The following SIGLEC6 variants were observed in gnomAD, a reference collection of about 807,000 sequenced individuals.
The protein encoded by SIGLEC6 is sialic acid binding Ig like lectin 6, also known as sialic acid-binding Ig-like lectin 6.
A neutral mutation model predicts 41.4 loss-of-function variants in SIGLEC6; 31 were observed. The observed-to-expected ratio is 0.75, with a 90% confidence interval of 0.56 to 1.01. The LOEUF (loss-of-function observed/expected upper bound fraction) is 1.01, where lower values mean the gene tolerates loss of function less well. SIGLEC6 is among the 50% of genes least tolerant of loss of function. The probability of loss-of-function intolerance (pLI) is 0.00; values close to 1 mark genes in which losing one functional copy is unlikely to be tolerated. For missense variants in SIGLEC6, 555 were observed against 558.6 expected (o/e 0.99, Z 0.06); for synonymous variants, 217 against 231.0 (o/e 0.94, Z 0.55).
At chr19:51,530,041 C>T in intron 4 of SIGLEC6, 60 bp from the exon 5 acceptor site, 3 of 1,519,244 alleles carry the variant, frequency 2.0e-6, no homozygotes, top group South Asian at 2.6e-5. Flanking sequence ...CACTGGTGTC[C>T]CTCTCCTCCT....
chr19:51,530,624 GC>G (rs1203019070), intron 3 of SIGLEC6, 56 bp downstream of exon 3: 1 of 1,610,320 alleles, frequency 6.2e-7, no homozygotes, highest in African/African-American at 1.3e-5. Flanking sequence ...CTCTGGCTCA[GC>G]CCTGCCCTGT....
At position 51,520,112 on chromosome 19, in the gene SIGLEC6, A is replaced by G. The variant is rs911438443; in HGVS notation, c.1332T>C (p.Thr444=). ...TGTGTATCTTGATTTCTGAGTACTCAGTGTCGGTGACCTTTGGTTCCTGAG... is the reference window on the plus strand; with the variant it reads ...TGTGTATCTTGATTTCTGAGTACTCGGTGTCGGTGACCTTTGGTTCCTGAG... ...VQPQEPKVTD[T]EYSEIKIHK Residue 444 remains threonine, a synonymous_variant, in exon 8 of 8, where the codon ACT becomes ACC. Transcript: ENST00000425629. 2.5e-6 allele frequency: 4 copies of G among 1,586,634 alleles called. No homozygotes were observed. The highest frequency in any genetic ancestry group is 3.5e-6 in the Non-Finnish European group (4 of 1,159,420).
chr19:51,529,944 G>A lies in SIGLEC6; in HGVS notation c.792C>T (p.Val264=). Residue 264 remains valine (V), a synonymous_variant, in exon 5 of 8, where the codon GTC becomes GTT. Transcript: ENST00000425629. The part of the protein sequence containing the change: ...KILQNTSSLP[V]LEGQALRLLC... ...GCAGCCGCAGAGCCTGGCCCTCCAG[G>A]ACAGGGAGGGACGAGGTGTTTTGCA... is the stretch of plus-strand genomic sequence containing the variant. The A allele has an allele frequency of 1.2e-6, 2 of 1,606,960 alleles. No homozygotes were observed. The highest frequency in any genetic ancestry group is 1.7e-6 in the Non-Finnish European group (2 of 1,175,946).
At chr19:51,527,337 G>A (rs1979400838) in intron 7 of SIGLEC6, among the ~76,000 whole-genome samples, 1 of 152,130 alleles carries the variant, frequency 6.6e-6, no homozygotes, top group Non-Finnish European at 1.5e-5. Flanking sequence ...ATGACTTTGG[G>A]TTGATTTGGG....
chr19:51,518,763 G>C lies in SIGLEC6; in HGVS notation c.*1319C>G, dbSNP rs574986507. Among the ~76,000 whole-genome samples the C allele has an allele frequency of 5.3e-5, 8 of 152,340 alleles. No individual in the cohort carries two copies. The East Asian group carries it at 1.5e-3, about 29-fold the overall frequency. Reference sequence around the variant, plus strand: ...GAATAGTGGAGACTGGGATTTGTAAGAGGAAGCTGTGGAAATGGACATGGG... The same window carrying C: ...GAATAGTGGAGACTGGGATTTGTAACAGGAAGCTGTGGAAATGGACATGGG... On this transcript the variant is annotated 3_prime_UTR_variant, in exon 8 of 8. Coordinates refer to ENST00000425629, the MANE Select transcript of SIGLEC6 (RefSeq NM_001245.7).
chr19:51,524,033 A>G (rs1267418207), intron 7 of SIGLEC6, among the ~76,000 whole-genome samples: 1 of 152,150 alleles, frequency 6.6e-6, no homozygotes, highest in East Asian at 1.9e-4. Context: ...AAAAAAAAAA[A>G]GTAGTAATAT....
intron 5 of SIGLEC6, 77 bp from the exon 6 acceptor site, chr19:51,528,330 A>G: frequency 8.3e-7 from 1 of 1,209,484 alleles, no homozygotes; most frequent in Non-Finnish European, 1.2e-6. Context: ...TCCACCTTCC[A>G]CTAATGTGAC....
rs1304836712 is a variant in SIGLEC6, at chr19:51,531,103, C to T, written c.427+57G>A. The T allele has an allele frequency of 2.6e-6, 4 of 1,553,218 alleles. No individual in the cohort carries two copies. The African/African-American group carries it at 5.5e-5, about 21-fold the overall frequency. On this transcript the variant is annotated intron_variant, in intron 2 of 7. Transcript: ENST00000425629. ...CCAAGACGGGGCTCCCGTCCCAGCCCTGCCCTACGGCCCCCATGACCTTCC... is the reference window on the plus strand; with the variant it reads ...CCAAGACGGGGCTCCCGTCCCAGCCTTGCCCTACGGCCCCCATGACCTTCC...
chr19:51,524,853 A>G (rs1600008822), intron 7 of SIGLEC6, among the ~76,000 whole-genome samples: 1 of 152,286 alleles, frequency 6.6e-6, no homozygotes, highest in African/African-American at 2.4e-5. Context: ...GCTCCCCAGG[A>G]TTGGCATGGA....
chr19:51,527,796 G>C lies in SIGLEC6; in HGVS notation c.1139C>G (p.Pro380Arg), dbSNP rs1477472022. Reference protein sequence around the residue: ...VKTRRKKAAQPVQNTDDVNPV... With the variant: ...VKTRRKKAAQRVQNTDDVNPV... ...GTTCACATCATCCGTGTTTTGCACT[G>C]GCTGGGCTGCTTTCTTCCTTCTAGT... Residue 380 changes from proline to arginine, a missense_variant, in exon 7 of 8, where the codon CCA (proline) becomes CGA (arginine). Coordinates refer to ENST00000425629, the MANE Select transcript of SIGLEC6 (RefSeq NM_001245.7). The C allele has an allele frequency of 6.2e-7, 1 of 1,614,082 alleles. No homozygotes were observed. The highest frequency in any genetic ancestry group is 1.3e-5 in the African/African-American group (1 of 74,972).
intron 7 of SIGLEC6, among the ~76,000 whole-genome samples, chr19:51,523,820 A>G (rs1254551837): frequency 1.3e-5 from 2 of 152,204 alleles, no homozygotes; most frequent in Non-Finnish European, 2.9e-5. Context: ...GGAGATGGAG[A>G]CCATCCTGGC....
intron 7 of SIGLEC6, among the ~76,000 whole-genome samples, chr19:51,525,355 C>A (rs1168816842): frequency 6.6e-6 from 1 of 152,134 alleles, no homozygotes; most frequent in East Asian, 1.9e-4. Context: ...CCTACTCCCC[C>A]GAGGCTGGAG....
chr19:51,519,974 G>A lies in SIGLEC6; in HGVS notation c.*108C>T. 1 of 973,018 alleles carries A rather than the reference G, an allele frequency of 1.0e-6. No homozygotes were observed. The highest frequency in any genetic ancestry group is 1.5e-6 in the Non-Finnish European group (1 of 678,668). 60.3% of individuals were successfully genotyped at this position (973,018 alleles called of 1,614,324 possible). A position where few individuals can be genotyped will look rare whatever the true frequency, so the allele number is the denominator to read the frequency against. ...TGAAACTATACGAAAATAAAGTTCT[G>A]TGTTTATGTCACTCGGTTTGTGGTA... On this transcript the variant is annotated 3_prime_UTR_variant, in exon 8 of 8. Coordinates refer to ENST00000425629, the MANE Select transcript of SIGLEC6 (RefSeq NM_001245.7).
At position 51,528,757 on chromosome 19, in the gene SIGLEC6, C is replaced by T. The variant is rs1328207806; in HGVS notation, c.1013-504G>A. ...CATCATTTTGGGAGGCCAAGGCTAG[C>T]AGATCACCAGGTCAGGAGATCGAGA... On this transcript the variant is annotated intron_variant, in intron 5 of 7. Coordinates refer to ENST00000425629, the MANE Select transcript of SIGLEC6 (RefSeq NM_001245.7). Among the ~76,000 whole-genome samples, 3 of 152,018 alleles carry T rather than the reference C, an allele frequency of 2.0e-5. No homozygotes were observed. The East Asian group carries it at 5.8e-4, about 29-fold the overall frequency.
At chr19:51,527,396 C>A (rs940287621) in intron 7 of SIGLEC6, among the ~76,000 whole-genome samples, 29 of 152,128 alleles carry the variant, frequency 1.9e-4, no homozygotes, top group Non-Finnish European at 2.9e-4. Context: ...ACTTAATGCA[C>A]CTGACACAGA....
Position 51,523,886 on chromosome 19 carries a change from G to A in SIGLEC6, c.1189-3631C>T, listed in dbSNP as rs994139191. Among the ~76,000 whole-genome samples the A allele has an allele frequency of 6.6e-5, 10 of 152,268 alleles. 1 individual carries two copies. Among genetic ancestry groups the A allele is most frequent in the South Asian group, 4.2e-4 (2 of 4,818 alleles). ...GTACAAAAAAAAATTAGCTGGGCGC[G>A]GTGGCGGGCACCTGTAATCCCAGCC... On this transcript the variant is annotated intron_variant, in intron 7 of 7. Transcript: ENST00000425629.
At chr19:51,525,876 G>A (rs1979145064) in intron 7 of SIGLEC6, among the ~76,000 whole-genome samples, 1 of 152,140 alleles carries the variant, frequency 6.6e-6, no homozygotes, top group South Asian at 2.1e-4. Flanking sequence ...CTCTGCCATT[G>A]CTGCTGCAGC....
At position 51,518,915 on chromosome 19, in the gene SIGLEC6, G is replaced by A. The variant is rs73559130; in HGVS notation, c.*1167C>T. Among the ~76,000 whole-genome samples, 9,902 of 152,202 alleles carry A rather than the reference G, an allele frequency of 0.065. 369 individuals are homozygous for A. The highest frequency in any genetic ancestry group is 0.12 in the South Asian group (600 of 4,820). On this transcript the variant is annotated 3_prime_UTR_variant, in exon 8 of 8. Coordinates refer to ENST00000425629, the MANE Select transcript of SIGLEC6 (RefSeq NM_001245.7). ...GGAGTCGTGAAGAGTTCTGAACAGG[G>A]GGTGACACAGACACCTGGTGCTGTG...
Position 51,531,242 on chromosome 19 carries a change from G to A in SIGLEC6, c.345C>T (p.Asp115=). 1.2e-6 allele frequency: 2 copies of A among 1,614,032 alleles called. No individual in the cohort carries two copies. Among genetic ancestry groups the A allele is most frequent in the South Asian group, 1.1e-5 (1 of 91,072 alleles). The change falls in exon 2 of 8, where the codon GAC becomes GAT. Residue 115 remains aspartate (D), a synonymous_variant. Coordinates refer to ENST00000425629, the MANE Select transcript of SIGLEC6 (RefSeq NM_001245.7). ...SLSIRDARRR[D]NAAYFFRLKS... ...TCAACCGAAAGAAGTATGCAGCATT[G>A]TCCCTCCTCCGGGCATCTCTGATGC...
Sources: allele counts gnomAD v4.1 joint callset (sites outside exome capture counted in the v4.1 genomes callset), GRCh38; gene constraint gnomAD v4.1.1; transcripts MANE v1.5; gene names NCBI Gene and HGNC (gene_info 2026-07-23, HGNC 2026-07-21).